Variants in CAPN8 observed in about 807,000 individuals in gnomAD.
CAPN8 encodes the protein calpain-8.
Under a neutral mutation model 80.9 loss-of-function variants are expected in CAPN8, and 87 were observed. That is an observed-to-expected ratio of 1.07 (90% confidence interval 0.90 to 1.28). The LOEUF (loss-of-function observed/expected upper bound fraction) is 1.28. Among genes scored for constraint, CAPN8 ranks in the 50% most tolerant of loss-of-function variants. CAPN8 has a pLI of 0.00. For synonymous variants in CAPN8, 299 were observed against 273.8 expected, an observed-to-expected ratio of 1.09 and a Z score of -0.91; for missense variants, 757 against 702.0, an observed-to-expected ratio of 1.08 and a Z score of -0.89.
At chr1:223,629,185 TGTACGTGTAAGA>T (rs1346209874) in intron 2 of CAPN8, among the ~76,000 whole-genome samples, 1 of 144,900 alleles carries the variant, frequency 6.9e-6, no homozygotes, top group African/African-American at 2.6e-5. Context: ...ATCTATGATG[TGTACGTGTAAGA>T]GTGTGTGTGT....
chr1:223,549,088 G>C (rs76731852), intron 16 of CAPN8, among the ~76,000 whole-genome samples: 9 of 151,898 alleles, frequency 5.9e-5, no homozygotes, highest in Non-Finnish European at 1.2e-4. Flanking sequence ...TGCACACCTC[G>C]GTTTCTTCAC....
intron 2 of CAPN8, among the ~76,000 whole-genome samples, chr1:223,638,290 T>C (rs1657960344): frequency 6.6e-6 from 1 of 152,142 alleles, no homozygotes; most frequent in South Asian, 2.1e-4. Flanking sequence ...GACTTGAGCA[T>C]CTGTGGATTT....
chr1:223,627,847 T>TA (rs2102713996), intron 4 of CAPN8, among the ~76,000 whole-genome samples, 162 bp downstream of exon 4: 1 of 152,258 alleles, frequency 6.6e-6, no homozygotes, highest in African/African-American at 2.4e-5. Flanking sequence ...CTGTTTCTCT[T>TA]AGTTACTGAA....
intron 11 of CAPN8, among the ~76,000 whole-genome samples, chr1:223,609,698 T>C (rs1656985836): frequency 6.6e-6 from 1 of 152,216 alleles, no homozygotes; most frequent in African/African-American, 2.4e-5. Flanking sequence ...CAATAGGCTC[T>C]TTCATTCTGC....
intron 2 of CAPN8, among the ~76,000 whole-genome samples, chr1:223,645,940 T>G (rs893771050): frequency 1.3e-5 from 2 of 152,032 alleles, no homozygotes; most frequent in African/African-American, 4.8e-5. Flanking sequence ...TGGGGCAAGG[T>G]ATGGAGTGGC....
At chr1:223,617,350 T>TTTG (rs1657226932) in intron 9 of CAPN8, 1 of 122,114 alleles carries the variant, frequency 8.2e-6, no homozygotes, top group African/African-American at 3.2e-5. Context: ...TTGTTTGTTT[T>TTTG]AGGGCTCAAG....
At chr1:223,645,369 C>A (rs570902569) in intron 2 of CAPN8, among the ~76,000 whole-genome samples, 1 of 152,178 alleles carries the variant, frequency 6.6e-6, no homozygotes, top group Non-Finnish European at 1.5e-5. Flanking sequence ...CACACAGACA[C>A]ACCCAGGAAC....
rs1009284375 is a variant in CAPN8, at chr1:223,619,375, C to G, written c.1053G>C (p.Glu351Asp). The G allele has an allele frequency of 1.8e-5, 28 of 1,551,578 alleles. No homozygotes were observed. The highest frequency in any genetic ancestry group is 2.4e-5 in the Non-Finnish European group (28 of 1,147,006). The change falls in exon 9 of 21, where the codon GAG becomes GAC. Residue 351 changes from glutamate to aspartate, a missense_variant. Physicochemically the swap from Glu to Asp is conservative, Grantham distance 45. Coordinates refer to ENST00000366872, the MANE Select transcript of CAPN8 (RefSeq NM_001143962.2). Reference sequence around the variant, plus strand: ...GGACCAGGTTCCATTTGTGCACCTCCTCGCTACTCAGAGAGTCCGGGGACA... The same window carrying G: ...GGACCAGGTTCCATTTGTGCACCTCGTCGCTACTCAGAGAGTCCGGGGACA... ...CNLSPDSLSS[E>D]EVHKWNLVLF...
In CAPN8 at chr1:223,558,137, T is replaced by G; in HGVS notation, c.1566A>C (p.Pro522=). 2 of 398,624 alleles carry G rather than the reference T, an allele frequency of 5.0e-6. No homozygotes were observed. The highest frequency in any genetic ancestry group is 6.3e-4 in the Middle Eastern group (1 of 1,588). The allele number at this position is 398,624 out of a possible 1,614,324, so 24.7% of individuals were successfully genotyped here. The change falls in exon 13 of 21, where the codon CCA becomes CCC. Residue 522 remains proline, a synonymous_variant. Coordinates refer to ENST00000366872, the MANE Select transcript of CAPN8 (RefSeq NM_001143962.2). ...ATACAAAAAGATTGCATACCTCATA[T>G]GGGTTTCCAGCTACCACATCCCCAA... ...LEIGDVVAGN[P]YEPHPSEVDQ...
At chr1:223,557,176 G>T (rs1349795727) in intron 13 of CAPN8, among the ~76,000 whole-genome samples, 1 of 152,172 alleles carries the variant, frequency 6.6e-6, no homozygotes, top group African/African-American at 2.4e-5. Flanking sequence ...CCCAAGGCAA[G>T]ATGGATCCTT....
intron 2 of CAPN8, 79 bp from the exon 3 acceptor site, chr1:223,628,859 A>C (rs1312386942): frequency 1.7e-6 from 2 of 1,167,030 alleles, no homozygotes; most frequent in Non-Finnish European, 1.2e-6. Flanking sequence ...TGTCCCATTC[A>C]ACCCAGAGTC....
Position 223,658,430 on chromosome 1 carries a change from C to T in CAPN8, c.238-4031G>A, listed in dbSNP as rs1658554903. On this transcript the variant is annotated intron_variant, in intron 1 of 20. Transcript: ENST00000366872. ...CAGTATAATTCAAAAAATGCCCCCA[C>T]CCCAGAAAAACACATACACACACAC... Among the ~76,000 whole-genome samples, 5 of 152,270 alleles carry T rather than the reference C, an allele frequency of 3.3e-5. No homozygotes were observed. In the South Asian group the frequency reaches 1.0e-3, roughly 32 times the overall value.
intron 10 of CAPN8, among the ~76,000 whole-genome samples, chr1:223,614,349 G>A (rs35407561): frequency 0.062 from 9,249 of 150,314 alleles, 305 homozygotes; most frequent in South Asian, 0.092. Context: ...GCAGTGAGCC[G>A]AGTTCACAGC....
At chr1:223,632,330 A>C (rs1572246116) in intron 2 of CAPN8, among the ~76,000 whole-genome samples, 1 of 152,158 alleles carries the variant, frequency 6.6e-6, no homozygotes, top group East Asian at 1.9e-4. Flanking sequence ...TGTTTGGGGA[A>C]CTGCCAGCAA....
At chr1:223,546,104 C>CTAT (rs1029634622) in intron 16 of CAPN8, among the ~76,000 whole-genome samples, 1 of 150,218 alleles carries the variant, frequency 6.7e-6, no homozygotes, top group Non-Finnish European at 1.5e-5. Flanking sequence ...AGTGCCACGA[C>CTAT]TATTTTTTTT....
intron 6 of CAPN8, among the ~76,000 whole-genome samples, chr1:223,625,363 G>C (rs911054529): frequency 6.6e-6 from 1 of 152,208 alleles, no homozygotes; most frequent in African/African-American, 2.4e-5. Context: ...CATTTAGTTA[G>C]AACCTATTGA....
intron 2 of CAPN8, among the ~76,000 whole-genome samples, chr1:223,651,200 C>G (rs775972740): frequency 2.0e-5 from 3 of 152,102 alleles, no homozygotes; most frequent in Non-Finnish European, 2.9e-5. Context: ...TTGCCAGGAA[C>G]AGCAACTTTG....
rs74145971 is a variant in CAPN8 at position 223,654,162 on chromosome 1, G to C, written c.307+168C>G. On this transcript the variant is annotated intron_variant, in intron 2 of 20. Coordinates refer to ENST00000366872, the MANE Select transcript of CAPN8 (RefSeq NM_001143962.2). ...CATTTGGACCTACAGTGAAGTTCCA[G>C]CATTTGGACTCACAGTGAAGAATGC... Among the ~76,000 whole-genome samples, 407 of 152,276 alleles carry C rather than the reference G, an allele frequency of 2.7e-3. 1 individual carries two copies. The highest frequency in any genetic ancestry group is 9.2e-3 in the African/African-American group (381 of 41,550).
At chr1:223,558,013 C>A in intron 13 of CAPN8, 118 bp downstream of exon 13, 1 of 395,506 alleles carries the variant, frequency 2.5e-6, no homozygotes, top group Non-Finnish European at 4.5e-6. Flanking sequence ...AATGTTGTGG[C>A]CCTAACTAAT....
Sources: allele counts gnomAD v4.1 joint callset (sites outside exome capture counted in the v4.1 genomes callset), GRCh38; gene constraint gnomAD v4.1.1; transcripts MANE v1.5; gene names NCBI Gene and HGNC (gene_info 2026-07-23, HGNC 2026-07-21).